Variants in CHD8 observed in about 807,000 individuals in gnomAD.
CHD8 encodes the protein ATP-dependent chromatin remodeler CHD8.
CHD8 carries 31 observed loss-of-function variants against 279.2 expected under a neutral mutation model. The observed-to-expected ratio is 0.11, with a 90% CI of 0.08 to 0.15. The LOEUF (loss-of-function observed/expected upper bound fraction) is 0.15, where lower values mean the gene tolerates loss of function less well. Ranked by LOEUF, CHD8 falls within the 10% of genes least tolerant of loss-of-function variation. The pLI is 1.00. For missense variants in CHD8, 2,146 were observed against 3,230.5 expected, an observed-to-expected ratio of 0.66 and a Z score of 8.14; for synonymous variants, 1,081 against 1,139.6, an observed-to-expected ratio of 0.95 and a Z score of 1.04.
chr14:21,448,046 G>A (rs1890169830), intron 1 of CHD8, among the ~76,000 whole-genome samples: 1 of 152,100 alleles, frequency 6.6e-6, no homozygotes, highest in African/African-American at 2.4e-5. Context: ...ATACATTCCT[G>A]CATGCCCTAT....
intron 5 of CHD8, among the ~76,000 whole-genome samples, chr14:21,417,150 A>G (rs1888759765): frequency 6.6e-6 from 1 of 152,190 alleles, no homozygotes; most frequent in South Asian, 2.1e-4. Context: ...AAAAATCAGC[A>G]AGTTTGATCA....
At chr14:21,398,252 T>C (rs1276028665) in intron 26 of CHD8, 1 of 160,406 alleles carries the variant, frequency 6.2e-6, no homozygotes, top group Non-Finnish European at 1.4e-5. Context: ...TATTTATTTA[T>C]TTTTTGAGAT....
rs542594789 is a variant in CHD8, at chr14:21,451,171, C to G, written c.-216+4861G>C. On this transcript the variant is annotated intron_variant, in intron 1 of 37. Transcript: ENST00000646647. ...CAAACAAACTAGTGAGAATATACTA[C>G]AGGAAAATCTGAATTTGAAGAGGTT... is the stretch of plus-strand genomic sequence containing the variant. Among the ~76,000 whole-genome samples, 14 of 152,208 alleles carry G rather than the reference C, an allele frequency of 9.2e-5. 1 individual carries two copies. The South Asian group carries it at 2.9e-3, about 32-fold the overall frequency.
rs1888087945 is a variant in CHD8, at chr14:21,402,630, A to G, written c.3715-127T>C. 1.1e-6 allele frequency: 1 copy of G among 915,520 alleles called. No homozygotes were observed. Among genetic ancestry groups the G allele is most frequent in the Non-Finnish European group, 1.6e-6 (1 of 626,148 alleles). 56.7% of individuals were successfully genotyped at this position (915,520 alleles called of 1,614,324 possible). Reference sequence around the variant, plus strand: ...CAGCCATGAGATCAACTCAAAACCAAGAGTCAATTTCAAGATGAAATTATC... The same window carrying G: ...CAGCCATGAGATCAACTCAAAACCAGGAGTCAATTTCAAGATGAAATTATC... On this transcript the variant is annotated intron_variant, in intron 18 of 37. Transcript: ENST00000646647. This position sits in a 1 kb window ranked among gnomAD's most constrained non-coding sequence, Gnocchi z 4.5.
In CHD8 at chr14:21,431,039, A is replaced by G. The variant is rs1384889551; in HGVS notation, c.605T>C (p.Phe202Ser). Residue 202 changes from phenylalanine to serine, a missense_variant, in exon 2 of 38, where the codon TTT (phenylalanine) becomes TCT (serine). Physicochemically the swap from Phe to Ser is radical, Grantham distance 155. Around this residue, in one of 26 missense-constraint regions of CHD8, gnomAD observed 302 missense variants for 325.5 expected, o/e 0.93. Transcript: ENST00000646647. Reference sequence around the variant, plus strand: ...GGGTGTGCCGGTTAGCACTTTGGTAAAAGTGACTTTTCCACCATTGGCTGT... The same window carrying G: ...GGGTGTGCCGGTTAGCACTTTGGTAGAAGTGACTTTTCCACCATTGGCTGT... ...AGTANGGKVT[F>S]TKVLTGTPLR... 4.4e-6 allele frequency: 7 copies of G among 1,599,284 alleles called. No homozygotes were observed. Among genetic ancestry groups the G allele is most frequent in the Non-Finnish European group, 5.1e-6 (6 of 1,179,722 alleles).
At chr14:21,443,808 A>T (rs1890045171) in intron 1 of CHD8, among the ~76,000 whole-genome samples, 1 of 145,598 alleles carries the variant, frequency 6.9e-6, no homozygotes, top group Admixed American at 7.1e-5. Flanking sequence ...GTGAGCTGAG[A>T]TCGCGCCACT....
intron 1 of CHD8, among the ~76,000 whole-genome samples, chr14:21,440,171 G>A (rs1416835115): frequency 6.6e-6 from 1 of 151,936 alleles, no homozygotes; most frequent in Non-Finnish European, 1.5e-5. Context: ...GGGCTCAGGA[G>A]GAAAAAACAT....
chr14:21,386,226 AAAAG>A (rs938109493), intron 37 of CHD8, 50 bp from the exon 38 acceptor site: 1 of 1,490,346 alleles, frequency 6.7e-7, no homozygotes, highest in Non-Finnish European at 9.0e-7. Context: ...GGGAAAAAAG[AAAAG>A]AAACCAAAGC....
intron 5 of CHD8, chr14:21,416,110 T>G (rs1025358363): frequency 4.4e-6 from 2 of 454,128 alleles, no homozygotes; most frequent in Non-Finnish European, 7.7e-6. Flanking sequence ...AACTGCTTTA[T>G]GAAAGGCCAA....
At chr14:21,430,485 C>A in intron 2 of CHD8, 1 of 251,564 alleles carries the variant, frequency 4.0e-6, no homozygotes, top group Non-Finnish European at 7.7e-6. Context: ...TTGTATCACA[C>A]AATTATTGTG....
chr14:21,417,864 A>G (rs1161447785), intron 5 of CHD8, among the ~76,000 whole-genome samples: 1 of 135,908 alleles, frequency 7.4e-6, no homozygotes, highest in Non-Finnish European at 1.6e-5. Context: ...AAAAAAAAAA[A>G]AATATATATA....
Position 21,385,471 on chromosome 14 carries a change from T to A in CHD8, c.*142A>T, listed in dbSNP as rs78520772. On this transcript the variant is annotated 3_prime_UTR_variant, in exon 38 of 38. Coordinates refer to ENST00000646647, the MANE Select transcript of CHD8 (RefSeq NM_001170629.2). Reference sequence around the variant, plus strand: ...TCATAATTGGGAGCAATCAGGTACATTTTTTTTTTTTTTTCCTTTTCACCT... The same window carrying A: ...TCATAATTGGGAGCAATCAGGTACAATTTTTTTTTTTTTTCCTTTTCACCT... 4.6e-6 allele frequency: 1 copy of A among 215,480 alleles called. No homozygotes were observed. Among genetic ancestry groups the A allele is most frequent in the Non-Finnish European group, 7.3e-6 (1 of 136,516 alleles). 13.3% of individuals were successfully genotyped at this position (215,480 alleles called of 1,614,324 possible). A position where few individuals can be genotyped will look rare whatever the true frequency, so the allele number is the denominator to read the frequency against.
At chr14:21,399,727 G>A in intron 25 of CHD8, 22 bp from the exon 26 acceptor site, 1 of 1,484,792 alleles carries the variant, frequency 6.7e-7, no homozygotes, top group Non-Finnish European at 9.4e-7. Context: ...AGAGGGCAGA[G>A]TCAGCACAGA....
intron 26 of CHD8, 82 bp from the exon 27 acceptor site, chr14:21,398,034 G>A: frequency 7.5e-7 from 1 of 1,324,510 alleles, no homozygotes; most frequent in South Asian, 1.4e-5. Flanking sequence ...GGAATAATTA[G>A]AATATGTTCT....
chr14:21,415,546 A>AAAT (rs1453240324), intron 7 of CHD8, 28 bp downstream of exon 7: 18 of 968,526 alleles, frequency 1.9e-5, no homozygotes, highest in Admixed American at 6.5e-5. Context: ...AATAAATAAA[A>AAAT]ATAATAATAA....
chr14:21,433,868 G>C (rs1889662751), intron 1 of CHD8, among the ~76,000 whole-genome samples: 1 of 151,958 alleles, frequency 6.6e-6, no homozygotes, highest in Non-Finnish European at 1.5e-5. Flanking sequence ...AATGCTTCCT[G>C]ATTTAACGAA....
chr14:21,401,090 G>T lies in CHD8; in HGVS notation c.4174-19C>A, dbSNP rs776061338. ...AATTATTCTATGAAGAGAACAGAAG[G>T]AGAAGTAATTCTCTTCCTGATTTGC... On this transcript the variant is annotated intron_variant, in intron 21 of 37. Coordinates refer to ENST00000646647, the MANE Select transcript of CHD8 (RefSeq NM_001170629.2). 6.5e-7 allele frequency: 1 copy of T among 1,549,180 alleles called. No homozygotes were observed. The highest frequency in any genetic ancestry group is 8.8e-7 in the Non-Finnish European group (1 of 1,141,112).
intron 37 of CHD8, among the ~76,000 whole-genome samples, chr14:21,387,000 C>CT (rs1332824155): frequency 6.6e-6 from 1 of 152,198 alleles, no homozygotes; most frequent in East Asian, 1.9e-4. Flanking sequence ...CACCAAAAAA[C>CT]TGTCAGAAAC....
At chr14:21,422,215 C>A (rs925335363) in intron 5 of CHD8, among the ~76,000 whole-genome samples, 6 of 152,132 alleles carry the variant, frequency 3.9e-5, no homozygotes, top group African/African-American at 1.4e-4. Context: ...GTGGCACACA[C>A]CTATGATCCC....
Sources: gnomAD v4.1 joint callset for allele counts (sites outside exome capture counted in the v4.1 genomes callset) on GRCh38, gnomAD v4.1.1 for gene constraint, gnomAD v4.1.1 regional missense constraint, Gnocchi (gnomAD v3.1) non-coding constraint, MANE v1.5 for transcripts, NCBI Gene and HGNC (gene_info 2026-07-23, HGNC 2026-07-21) for gene names.